The following MLLT10 variants were observed in gnomAD, a reference collection of about 807,000 sequenced individuals.
The protein encoded by MLLT10 is MLLT10 histone lysine methyltransferase DOT1L cofactor.
MLLT10 carries 30 observed loss-of-function variants against 129.1 expected under a neutral mutation model. That is an observed-to-expected ratio of 0.23 (90% CI 0.17 to 0.32). The LOEUF (loss-of-function observed/expected upper bound fraction) is 0.32, where lower values mean the gene tolerates loss of function less well. MLLT10 is among the 10% of genes least tolerant of loss of function. The pLI is 1.00. For missense variants in MLLT10, 1,119 were observed against 1,268.3 expected (o/e 0.88, Z 1.79); for synonymous variants, 490 against 446.4 (o/e 1.10, Z -1.23).
intron 8 of MLLT10, among the ~76,000 whole-genome samples, chr10:21,621,146 G>A (rs2045794853): frequency 6.6e-6 from 1 of 151,116 alleles, no homozygotes; most frequent in Non-Finnish European, 1.5e-5. Context: ...ACCACGCCCG[G>A]CTAATTTTTT....
At chr10:21,576,258 T>G (rs2040729873) in intron 3 of MLLT10, among the ~76,000 whole-genome samples, 1 of 150,428 alleles carries the variant, frequency 6.6e-6, no homozygotes, top group African/African-American at 2.4e-5. Context: ...TTTTTTTTTT[T>G]TTGAGATGGA....
chr10:21,708,872 C>G, intron 13 of MLLT10: 1 of 459,396 alleles, frequency 2.2e-6, no homozygotes, highest in Non-Finnish European at 2.9e-6. Context: ...TTAATGAAAG[C>G]ATTAACACCA....
intron 13 of MLLT10, among the ~76,000 whole-genome samples, chr10:21,692,974 C>T (rs1398506489): frequency 1.3e-5 from 2 of 151,494 alleles, no homozygotes; most frequent in Non-Finnish European, 2.9e-5. Context: ...ATACTTTTTC[C>T]CCCACTAAAT....
At chr10:21,657,486 C>A (rs558018834) in intron 9 of MLLT10, among the ~76,000 whole-genome samples, 1 of 150,548 alleles carries the variant, frequency 6.6e-6, no homozygotes, top group African/African-American at 2.4e-5. Context: ...TAAAGAAATT[C>A]GTAGATGCTT....
intron 8 of MLLT10, among the ~76,000 whole-genome samples, chr10:21,619,321 T>A (rs2045580242): frequency 6.6e-6 from 1 of 152,226 alleles, no homozygotes; most frequent in African/African-American, 2.4e-5. Context: ...GAAGCCTCAC[T>A]ATTAATGGTC....
At chr10:21,613,672 G>T (rs2044904656) in intron 6 of MLLT10, among the ~76,000 whole-genome samples, 1 of 151,058 alleles carries the variant, frequency 6.6e-6, no homozygotes. Flanking sequence ...AGAGACAGAG[G>T]TGGGCAGATT....
At chr10:21,710,074 G>A (rs2055926743) in intron 13 of MLLT10, among the ~76,000 whole-genome samples, 1 of 152,134 alleles carries the variant, frequency 6.6e-6, no homozygotes, top group Non-Finnish European at 1.5e-5. Context: ...CAGTTTATAA[G>A]ATTCTCTATC....
intron 8 of MLLT10, among the ~76,000 whole-genome samples, chr10:21,638,132 T>A (rs982976139): frequency 3.3e-5 from 5 of 151,626 alleles, no homozygotes; most frequent in Non-Finnish European, 5.9e-5. Flanking sequence ...CTTTTGCACT[T>A]ATGGATGGGT....
At chr10:21,664,732 C>T (rs987265311) in intron 9 of MLLT10, among the ~76,000 whole-genome samples, 3 of 151,838 alleles carry the variant, frequency 2.0e-5, no homozygotes, top group Admixed American at 1.3e-4. Context: ...TTATTGTGAG[C>T]GGTGGGTATT....
chr10:21,613,762 G>A (rs1038278301), intron 6 of MLLT10, among the ~76,000 whole-genome samples: 7 of 151,922 alleles, frequency 4.6e-5, no homozygotes, highest in East Asian at 1.9e-4. Flanking sequence ...GAAATTAGCC[G>A]GGCATGGTGA....
intron 3 of MLLT10, among the ~76,000 whole-genome samples, chr10:21,555,976 C>T (rs751051763): frequency 2.0e-5 from 3 of 150,378 alleles, no homozygotes; most frequent in South Asian, 2.1e-4. Flanking sequence ...CCACTGTGCA[C>T]GGCCCTTTTT....
At chr10:21,708,744 T>C (rs1564691342) in intron 13 of MLLT10, 1 of 985,242 alleles carries the variant, frequency 1.0e-6, no homozygotes, top group African/African-American at 1.7e-5. Context: ...CTCAATATTA[T>C]TCTTCCAAGA....
intron 3 of MLLT10, among the ~76,000 whole-genome samples, chr10:21,577,953 G>A (rs2040965448): frequency 6.6e-6 from 1 of 151,840 alleles, no homozygotes; most frequent in Non-Finnish European, 1.5e-5. Context: ...GAGTACAGTG[G>A]TGTGATATCT....
At chr10:21,740,835 G>A (rs370805431) in intron 22 of MLLT10, among the ~76,000 whole-genome samples, 274 of 152,294 alleles carry the variant, frequency 1.8e-3, no homozygotes, top group African/African-American at 6.3e-3. Flanking sequence ...TTTTAAGGCC[G>A]TTTCGATTAA....
At chr10:21,619,104 T>TC (rs1388444210) in intron 8 of MLLT10, among the ~76,000 whole-genome samples, 2 of 151,994 alleles carry the variant, frequency 1.3e-5, no homozygotes, top group Non-Finnish European at 2.9e-5. Context: ...TAAACATGTA[T>TC]ATCTTGATTT....
At chr10:21,698,340 C>G (rs1741483933) in intron 13 of MLLT10, among the ~76,000 whole-genome samples, 1 of 152,132 alleles carries the variant, frequency 6.6e-6, no homozygotes, top group African/African-American at 2.4e-5. Context: ...CTGTGCCTGG[C>G]TTATTTCACT....
chr10:21,690,548 C>G (rs902471174), intron 13 of MLLT10, among the ~76,000 whole-genome samples: 2 of 151,856 alleles, frequency 1.3e-5, no homozygotes, highest in African/African-American at 4.8e-5. Flanking sequence ...TTAAATAATA[C>G]TTAAATATGC....
At chr10:21,590,155 C>A (rs9971210) in intron 4 of MLLT10, among the ~76,000 whole-genome samples, 3 of 151,748 alleles carry the variant, frequency 2.0e-5, no homozygotes. Context: ...TGCCGAGGGT[C>A]GTCTCGAACA....
chr10:21,642,655 T>TC (rs1207855744), intron 8 of MLLT10, among the ~76,000 whole-genome samples: 1 of 106,782 alleles, frequency 9.4e-6, no homozygotes, highest in Non-Finnish European at 2.1e-5. Context: ...AGACTCTGTC[T>TC]CAAAAAAAAA....
Sources: gnomAD v4.1 joint callset for allele counts (sites outside exome capture counted in the v4.1 genomes callset) on GRCh38, gnomAD v4.1.1 for gene constraint, MANE v1.5 for transcripts, NCBI Gene and HGNC (gene_info 2026-07-23, HGNC 2026-07-21) for gene names.